Variants in LRRC4C observed in about 807,000 individuals in gnomAD.
LRRC4C encodes leucine-rich repeat-containing protein 4C.
A neutral mutation model predicts 33.6 loss-of-function variants in LRRC4C; 5 were observed. That is an observed-to-expected ratio of 0.15 (90% CI 0.08 to 0.31). The LOEUF (loss-of-function observed/expected upper bound fraction) is 0.31, where lower values mean the gene tolerates loss of function less well. Ranked by LOEUF, LRRC4C falls within the 10% of genes least tolerant of loss-of-function variation. The pLI, the probability that LRRC4C is intolerant of heterozygous loss-of-function variation, is 1.00. For missense variants in LRRC4C, 560 were observed against 796.7 expected, an observed-to-expected ratio of 0.70 and a Z score of 3.58; for synonymous variants, 329 against 302.0, an observed-to-expected ratio of 1.09 and a Z score of -0.93.
Position 41,361,779 on chromosome 11 carries a change from C to T in LRRC4C, c.-496+97652G>A, listed in dbSNP as rs989268307. ...AGGAAAAATGGTATTGCTGTAGTGA[C>T]TCTTAAATGTAGTTCCAAGGGCATA... On this transcript the variant is annotated intron_variant, in intron 1 of 6. Coordinates refer to ENST00000528697, the MANE Select transcript of LRRC4C (RefSeq NM_001258419.2). 2.0e-5 allele frequency among the ~76,000 whole-genome samples: 3 copies of T among 152,074 alleles called. 1 individual carries two copies. The highest frequency in any genetic ancestry group is 7.2e-5 in the African/African-American group (3 of 41,402).
chr11:41,252,106 G>A (rs1179078392), intron 1 of LRRC4C, among the ~76,000 whole-genome samples: 1 of 152,102 alleles, frequency 6.6e-6, no homozygotes, highest in African/African-American at 2.4e-5. Flanking sequence ...AATTAAACAG[G>A]CAAGAAAAGC....
chr11:40,960,143 G>A (rs747569017), intron 1 of LRRC4C, among the ~76,000 whole-genome samples: 1 of 150,472 alleles, frequency 6.6e-6, no homozygotes, highest in African/African-American at 2.4e-5. Flanking sequence ...AGGGAAGGAA[G>A]GAAGGAAGGA....
At chr11:40,876,425 G>A (rs1377941827) in intron 2 of LRRC4C, among the ~76,000 whole-genome samples, 38 of 151,852 alleles carry the variant, frequency 2.5e-4, no homozygotes, top group Admixed American at 2.0e-3. Flanking sequence ...TTCACTTGTC[G>A]CCCCCAAAGT....
intron 3 of LRRC4C, among the ~76,000 whole-genome samples, chr11:40,474,849 A>G (rs543599444): frequency 2.0e-5 from 3 of 152,116 alleles, no homozygotes; most frequent in Admixed American, 2.0e-4. Context: ...ATCACTTGTC[A>G]TTAGATAAAT....
intron 1 of LRRC4C, among the ~76,000 whole-genome samples, chr11:41,453,493 T>C (rs1241995395): frequency 6.6e-6 from 1 of 152,096 alleles, no homozygotes; most frequent in Non-Finnish European, 1.5e-5. Flanking sequence ...GGACTGTCTA[T>C]AATTATGTGA....
At chr11:40,649,535 T>C (rs1182727619) in intron 2 of LRRC4C, among the ~76,000 whole-genome samples, 1 of 152,194 alleles carries the variant, frequency 6.6e-6, no homozygotes, top group Non-Finnish European at 1.5e-5. Context: ...GGTACACTGA[T>C]TTCATATTGT....
chr11:40,975,718 A>G (rs148756978), intron 1 of LRRC4C, among the ~76,000 whole-genome samples: 55 of 152,264 alleles, frequency 3.6e-4, no homozygotes, highest in African/African-American at 1.2e-3. Context: ...TATTATCATC[A>G]TCTCCATTTT....
At chr11:40,690,626 A>G (rs933065080) in intron 2 of LRRC4C, among the ~76,000 whole-genome samples, 1 of 152,094 alleles carries the variant, frequency 6.6e-6, no homozygotes, top group African/African-American at 2.4e-5. Context: ...ACCATAGACT[A>G]CTTTTCAGTT....
chr11:40,582,897 A>T (rs571111733), intron 3 of LRRC4C, among the ~76,000 whole-genome samples: 2 of 152,260 alleles, frequency 1.3e-5, no homozygotes, highest in South Asian at 4.1e-4. Flanking sequence ...CATGCATACA[A>T]TGGCAATGAT....
At chr11:40,176,664 T>G (rs1860522091) in intron 5 of LRRC4C, among the ~76,000 whole-genome samples, 1 of 151,778 alleles carries the variant, frequency 6.6e-6, no homozygotes, top group Non-Finnish European at 1.5e-5. Context: ...CCTCAGCCTC[T>G]TCAGTAGCTG....
intron 1 of LRRC4C, among the ~76,000 whole-genome samples, chr11:41,351,741 A>C (rs1157884015): frequency 6.6e-6 from 1 of 152,198 alleles, no homozygotes; most frequent in African/African-American, 2.4e-5. Context: ...ATTAAAAATA[A>C]ATTTTAAAAA....
chr11:40,545,672 C>T (rs1313081303), intron 3 of LRRC4C, among the ~76,000 whole-genome samples: 1 of 151,924 alleles, frequency 6.6e-6, no homozygotes, highest in Non-Finnish European at 1.5e-5. Context: ...GAAAAAACAA[C>T]AGTTCACCTT....
chr11:40,147,641 A>G (rs888587048), intron 5 of LRRC4C, among the ~76,000 whole-genome samples: 13 of 152,128 alleles, frequency 8.5e-5, no homozygotes, highest in Admixed American at 8.5e-4. Context: ...GACAGATAAT[A>G]AATAATTAAA....
intron 5 of LRRC4C, among the ~76,000 whole-genome samples, chr11:40,233,787 T>C (rs1865367117): frequency 2.0e-5 from 3 of 152,178 alleles, no homozygotes; most frequent in Admixed American, 6.5e-5. Context: ...CTTTAATTGT[T>C]AAAACATAGG....
chr11:40,516,657 C>T (rs1418164501), intron 3 of LRRC4C, among the ~76,000 whole-genome samples: 2 of 152,130 alleles, frequency 1.3e-5, no homozygotes, highest in South Asian at 4.1e-4. Flanking sequence ...AAGCACCATG[C>T]AAGAAGTGAA....
In LRRC4C at chr11:40,541,966, T is replaced by C. The variant is rs188060101; in HGVS notation, c.-270+106176A>G. Among the ~76,000 whole-genome samples the C allele has an allele frequency of 3.8e-4, 58 of 152,272 alleles. 1 individual carries two copies. Among genetic ancestry groups the C allele is most frequent in the Admixed American group, 2.7e-3 (42 of 15,282 alleles). ...GATTCTTGATATTTGACTCTTCTTT[T>C]TCTGCTAGACCCAAAGAATTACCAA... is the stretch of plus-strand genomic sequence containing the variant. On this transcript the variant is annotated intron_variant, in intron 3 of 6. Coordinates refer to ENST00000528697, the MANE Select transcript of LRRC4C (RefSeq NM_001258419.2).
At chr11:41,450,402 C>G (rs1590322703) in intron 1 of LRRC4C, among the ~76,000 whole-genome samples, 1 of 152,214 alleles carries the variant, frequency 6.6e-6, no homozygotes, top group South Asian at 2.1e-4. Context: ...ATACAAGCAA[C>G]CACAGAAATA....
chr11:41,178,307 G>T (rs370676077), intron 1 of LRRC4C, among the ~76,000 whole-genome samples: 83 of 152,252 alleles, frequency 5.5e-4, no homozygotes, highest in African/African-American at 1.8e-3. Flanking sequence ...ATTCACCAGG[G>T]TAGGTTAATA....
At chr11:40,792,512 G>A (rs975240721) in intron 2 of LRRC4C, among the ~76,000 whole-genome samples, 1 of 152,114 alleles carries the variant, frequency 6.6e-6, no homozygotes, top group Non-Finnish European at 1.5e-5. Flanking sequence ...GATGTGGAGA[G>A]ATAGGAACAC....
Sources: allele counts gnomAD v4.1 joint callset (sites outside exome capture counted in the v4.1 genomes callset), GRCh38; gene constraint gnomAD v4.1.1; transcripts MANE v1.5; gene names NCBI Gene and HGNC (gene_info 2026-07-23, HGNC 2026-07-21).